TTC39C: variants seen among roughly 807,000 people sequenced by gnomAD.
TTC39C encodes the protein tetratricopeptide repeat domain 39C, also known as tetratricopeptide repeat protein 39C.
In TTC39C, 33 loss-of-function variants were observed where a neutral mutation model predicts 76.3. The observed-to-expected ratio is 0.43, with a 90% CI of 0.33 to 0.58. The LOEUF (loss-of-function observed/expected upper bound fraction) is 0.58, where lower values mean the gene tolerates loss of function less well. TTC39C is among the 20% of genes least tolerant of loss of function. The probability of loss-of-function intolerance (pLI) is 0.04; values close to 1 mark genes in which losing one functional copy is unlikely to be tolerated. For missense variants in TTC39C, 595 were observed against 701.4 expected, an observed-to-expected ratio of 0.85 and a Z score of 1.71; for synonymous variants, 254 against 260.6, an observed-to-expected ratio of 0.97 and a Z score of 0.24.
intron 6 of TTC39C, among the ~76,000 whole-genome samples, chr18:24,086,910 C>T (rs564146880): frequency 3.4e-4 from 52 of 151,024 alleles, no homozygotes; most frequent in Non-Finnish European, 5.0e-4. Context: ...ATCACATTTT[C>T]GTGTTTTGTT....
chr18:24,087,375 G>T (rs780431243), intron 6 of TTC39C, among the ~76,000 whole-genome samples: 1 of 152,056 alleles, frequency 6.6e-6, no homozygotes, highest in Non-Finnish European at 1.5e-5. Context: ...TTAACAATCT[G>T]CTTTGTATGT....
intron 1 of TTC39C, among the ~76,000 whole-genome samples, chr18:24,029,245 G>A (rs1429835695): frequency 6.6e-6 from 1 of 152,130 alleles, no homozygotes; most frequent in Non-Finnish European, 1.5e-5. Flanking sequence ...TGGGATTATA[G>A]GCGTGTACCA....
intron 1 of TTC39C, among the ~76,000 whole-genome samples, chr18:24,021,116 T>G (rs2083512383): frequency 6.6e-6 from 1 of 152,118 alleles, no homozygotes; most frequent in African/African-American, 2.4e-5. Context: ...TGGAAGAGGC[T>G]ACGAAGGACT....
chr18:24,014,276 G>C (rs2083417443), upstream of TTC39C: 1 of 152,332 alleles, frequency 6.6e-6, no homozygotes, highest in African/African-American at 2.4e-5. Flanking sequence ...AGCGCCGCGC[G>C]CTAGCATAGC....
At chr18:24,085,324 A>G (rs2084426676) in intron 6 of TTC39C, among the ~76,000 whole-genome samples, 1 of 152,230 alleles carries the variant, frequency 6.6e-6, no homozygotes, top group African/African-American at 2.4e-5. Flanking sequence ...TGAATGCTCT[A>G]AATTGGGTTT....
chr18:24,123,804 C>T (rs774917991), intron 8 of TTC39C, 30 bp from the exon 9 acceptor site: 1 of 1,535,816 alleles, frequency 6.5e-7, no homozygotes, highest in South Asian at 1.2e-5. Context: ...CTGACTTGTA[C>T]TTAAGAAATA....
At chr18:24,117,195 T>A (rs1455916244) in intron 7 of TTC39C, among the ~76,000 whole-genome samples, 2 of 152,102 alleles carry the variant, frequency 1.3e-5, no homozygotes, top group African/African-American at 4.8e-5. Context: ...TACCACAGCA[T>A]TGGCACACAT....
intron 1 of TTC39C, among the ~76,000 whole-genome samples, chr18:24,023,968 A>ACG (rs1175565702): frequency 2.0e-3 from 61 of 31,242 alleles, no homozygotes; most frequent in Admixed American, 3.3e-3. Context: ...ATATATATAT[A>ACG]TATATATATA....
chr18:24,128,862 C>A, intron 10 of TTC39C, 24 bp from the exon 11 acceptor site: 1 of 1,588,786 alleles, frequency 6.3e-7, no homozygotes, highest in South Asian at 1.1e-5. Context: ...GCTTACTGCT[C>A]TGTTCACTCC....
At chr18:23,998,563 T>C (rs868441032) in intron 1 of TTC39C, among the ~76,000 whole-genome samples, 1 of 152,088 alleles carries the variant, frequency 6.6e-6, no homozygotes, top group South Asian at 2.1e-4. Context: ...TGAGCTGAGA[T>C]TGCACCACTG....
At chr18:24,035,372 T>C (rs377411164) in intron 1 of TTC39C, among the ~76,000 whole-genome samples, 1 of 152,284 alleles carries the variant, frequency 6.6e-6, no homozygotes, top group East Asian at 1.9e-4. Context: ...ACTATACTAT[T>C]TTCCACAGCG....
At chr18:24,125,742 C>T in intron 10 of TTC39C, 192 bp downstream of exon 10, 1 of 641,512 alleles carries the variant, frequency 1.6e-6, no homozygotes, top group Non-Finnish European at 2.6e-6. Flanking sequence ...GAGGAGGCAG[C>T]ACTGCTGTGG....
At chr18:24,004,641 G>C (rs1249616805) in intron 1 of TTC39C, among the ~76,000 whole-genome samples, 1 of 152,112 alleles carries the variant, frequency 6.6e-6, no homozygotes, top group African/African-American at 2.4e-5. Flanking sequence ...AAATGCTCTT[G>C]TTTTTAAGGT....
intron 4 of TTC39C, among the ~76,000 whole-genome samples, chr18:24,073,564 G>A (rs2084267172): frequency 6.6e-6 from 1 of 151,510 alleles, no homozygotes; most frequent in Admixed American, 6.6e-5. Flanking sequence ...GTCTCACTCT[G>A]TCATCCAGGC....
At chr18:24,101,535 G>A (rs995388998) in intron 6 of TTC39C, among the ~76,000 whole-genome samples, 2 of 147,262 alleles carry the variant, frequency 1.4e-5, no homozygotes, top group African/African-American at 5.1e-5. Context: ...CTCCAGCCTG[G>A]CGACAGAGCG....
At chr18:24,061,241 A>T (rs982169795) in intron 1 of TTC39C, among the ~76,000 whole-genome samples, 101 of 148,884 alleles carry the variant, frequency 6.8e-4, no homozygotes, top group African/African-American at 2.0e-3. Flanking sequence ...TTTTTTTTTA[A>T]AAAAATAGGT....
chr18:24,049,582 G>T (rs756604626), intron 1 of TTC39C, among the ~76,000 whole-genome samples: 4 of 152,188 alleles, frequency 2.6e-5, no homozygotes, highest in Admixed American at 6.5e-5. Context: ...AAGGGTGAAG[G>T]CTGAGGATCT....
chr18:24,047,318 C>G (rs2083897289), intron 1 of TTC39C, among the ~76,000 whole-genome samples: 1 of 151,818 alleles, frequency 6.6e-6, no homozygotes, highest in Admixed American at 6.6e-5. Context: ...ATCTCGAACT[C>G]CTGGCCTCAA....
chr18:24,100,640 T>C (rs1237527393), intron 6 of TTC39C, among the ~76,000 whole-genome samples: 1 of 152,196 alleles, frequency 6.6e-6, no homozygotes, highest in Admixed American at 6.5e-5. Context: ...CAGTTTTTAG[T>C]GTGTGGCATT....
Sources: gnomAD v4.1 joint callset for allele counts (sites outside exome capture counted in the v4.1 genomes callset) on GRCh38, gnomAD v4.1.1 for gene constraint, MANE v1.5 for transcripts, NCBI Gene and HGNC (gene_info 2026-07-23, HGNC 2026-07-21) for gene names.